SREK1IP1: variants seen among roughly 807,000 people sequenced by gnomAD.
SREK1IP1 encodes the protein protein SREK1IP1.
SREK1IP1 carries 12 observed loss-of-function variants against 22.8 expected under a neutral mutation model. The ratio of observed to expected loss-of-function variants is 0.53; its 90% CI spans 0.34 to 0.85. The LOEUF is 0.85. Among genes scored for constraint, SREK1IP1 ranks in the 40% least tolerant of loss-of-function variants. The probability of loss-of-function intolerance (pLI) is 0.02; values close to 1 mark genes in which losing one functional copy is unlikely to be tolerated. For missense variants in SREK1IP1, 147 were observed against 171.8 expected, an observed-to-expected ratio of 0.86 and a Z score of 0.81; for synonymous variants, 53 against 52.7, an observed-to-expected ratio of 1.01 and a Z score of -0.02.
intron 2 of SREK1IP1, among the ~76,000 whole-genome samples, chr5:64,752,133 A>AT (rs1224410806): frequency 8.4e-6 from 1 of 118,900 alleles, no homozygotes; most frequent in African/African-American, 3.2e-5. Context: ...TTTTCTGTGA[A>AT]TTTTTTTTGT....
chr5:64,735,175 T>C (rs1323541533), intron 3 of SREK1IP1, among the ~76,000 whole-genome samples: 3 of 151,876 alleles, frequency 2.0e-5, no homozygotes, highest in African/African-American at 4.8e-5. Context: ...TTTTTTTTAG[T>C]CTCTTAAATA....
At chr5:64,767,339 T>A (rs1325365276) in intron 1 of SREK1IP1, among the ~76,000 whole-genome samples, 1 of 152,094 alleles carries the variant, frequency 6.6e-6, no homozygotes, top group Non-Finnish European at 1.5e-5. Context: ...TGTAAATTTC[T>A]CTCTCTTCAC....
chr5:64,724,396 G>A lies in SREK1IP1; in HGVS notation c.456C>T (p.Phe152=), dbSNP rs979759549. The A allele has an allele frequency of 3.2e-6, 5 of 1,541,114 alleles. No homozygotes were observed. Among genetic ancestry groups the A allele is most frequent in the Admixed American group, 2.2e-5 (1 of 44,496 alleles). The change falls in exon 5 of 5, where the codon TTC becomes TTT. Residue 152 remains phenylalanine (F), a synonymous_variant. Transcript: ENST00000513458. ...GCCAAAGTCTCAGTTACTTTCTGGA[G>A]AATTCAGAACTATTAGGTGTAGAAG... is the stretch of plus-strand genomic sequence containing the variant. The part of the protein sequence containing the change: ...KHSSTPNSSE[F]SRK
At chr5:64,728,310 TC>T in intron 3 of SREK1IP1, 131 bp from the exon 4 acceptor site, 1 of 909,802 alleles carries the variant, frequency 1.1e-6, no homozygotes, top group Non-Finnish European at 1.4e-6. Flanking sequence ...GTAATAATTT[TC>T]CCCTTTCTTA....
chr5:64,729,008 T>A (rs1217086259), intron 3 of SREK1IP1, among the ~76,000 whole-genome samples: 1 of 152,056 alleles, frequency 6.6e-6, no homozygotes, highest in Admixed American at 6.5e-5. Context: ...CTGGACAACA[T>A]GGTGAAACCC....
chr5:64,761,073 G>T (rs1742945494), intron 1 of SREK1IP1, among the ~76,000 whole-genome samples: 1 of 152,120 alleles, frequency 6.6e-6, no homozygotes, highest in Admixed American at 6.6e-5. Flanking sequence ...CTTCAGAGAG[G>T]TTACATTGCA....
chr5:64,754,933 C>G (rs1034621478), intron 1 of SREK1IP1, among the ~76,000 whole-genome samples: 2 of 151,798 alleles, frequency 1.3e-5, no homozygotes, highest in Non-Finnish European at 2.9e-5. Context: ...ATAAGACAAA[C>G]ACATATGGCT....
At chr5:64,752,738 CCTTT>C (rs1742771879) in intron 2 of SREK1IP1, among the ~76,000 whole-genome samples, 1 of 152,134 alleles carries the variant, frequency 6.6e-6, no homozygotes, top group Non-Finnish European at 1.5e-5. Context: ...ATCTTCTTGA[CCTTT>C]CTCTTACCTT....
At chr5:64,742,837 T>C (rs1434182742) in intron 2 of SREK1IP1, among the ~76,000 whole-genome samples, 1 of 152,242 alleles carries the variant, frequency 6.6e-6, no homozygotes, top group East Asian at 1.9e-4. Context: ...ATCTAAAATA[T>C]GTATTGCACA....
At chr5:64,763,802 CTGGGCCACACTGTTT>C (rs1291325551) in intron 1 of SREK1IP1, among the ~76,000 whole-genome samples, 2 of 152,178 alleles carry the variant, frequency 1.3e-5, no homozygotes, top group Non-Finnish European at 2.9e-5. Context: ...TCTGGCTTTG[CTGGGCCACACTGTTT>C]TGGGCCACAC....
At chr5:64,734,855 C>CA (rs1320909090) in intron 3 of SREK1IP1, among the ~76,000 whole-genome samples, 7 of 151,734 alleles carry the variant, frequency 4.6e-5, no homozygotes, top group Non-Finnish European at 8.8e-5. Flanking sequence ...ATTTCATCTG[C>CA]AAAAAAAGAC....
At chr5:64,738,042 G>T (rs1376242393) in intron 3 of SREK1IP1, among the ~76,000 whole-genome samples, 1 of 152,116 alleles carries the variant, frequency 6.6e-6, no homozygotes, top group East Asian at 1.9e-4. Flanking sequence ...TAAAGAACTG[G>T]AGAGAAGAGA....
intron 3 of SREK1IP1, among the ~76,000 whole-genome samples, chr5:64,734,372 A>G (rs1243511074): frequency 2.6e-5 from 4 of 151,920 alleles, no homozygotes; most frequent in Non-Finnish European, 5.9e-5. Flanking sequence ...TAGGTTCTTT[A>G]CATTTCCACA....
At position 64,767,384 on chromosome 5, in the gene SREK1IP1, T is replaced by C. The variant is rs574771357; in HGVS notation, c.13+1121A>G. ...CTAAGTTCTGTGTGAAGCGTAACCA[T>C]GTCTACCTTGCTCACCACTGTATTT... On this transcript the variant is annotated intron_variant, in intron 1 of 4. Transcript: ENST00000513458. 6.6e-5 allele frequency among the ~76,000 whole-genome samples: 10 copies of C among 152,330 alleles called. No homozygotes were observed. In the South Asian group the frequency reaches 2.1e-3, roughly 32 times the overall value.
intron 3 of SREK1IP1, among the ~76,000 whole-genome samples, chr5:64,735,717 T>C (rs1462142827): frequency 6.6e-6 from 1 of 152,168 alleles, no homozygotes; most frequent in African/African-American, 2.4e-5. Context: ...GATTCTCTCA[T>C]TTCTGATATC....
chr5:64,746,371 G>A (rs574920952), intron 2 of SREK1IP1, among the ~76,000 whole-genome samples: 11 of 152,218 alleles, frequency 7.2e-5, no homozygotes, highest in South Asian at 2.1e-4. Flanking sequence ...TAAAATGGTC[G>A]TCAGAATTAA....
rs79876487 is a variant in SREK1IP1 at position 64,718,870 on chromosome 5, A to G, written c.*5514T>C. ...TGTCCTGTAGTTTTTGTAGTCAGAA[A>G]CTAGCATTTCAGACAAGATCTGGCA... On this transcript the variant is annotated 3_prime_UTR_variant, in exon 5 of 5. Transcript: ENST00000513458. 1 of 152,322 alleles carries G rather than the reference A, an allele frequency of 6.6e-6. No individual in the cohort carries two copies. The highest frequency in any genetic ancestry group is 1.9e-4 in the East Asian group (1 of 5,178). 9.4% of individuals were successfully genotyped at this position (152,322 alleles called of 1,614,324 possible). A position where few individuals can be genotyped will look rare whatever the true frequency, so the allele number is the denominator to read the frequency against.
At chr5:64,752,148 T>C (rs1178978045) in intron 2 of SREK1IP1, among the ~76,000 whole-genome samples, 1 of 133,136 alleles carries the variant, frequency 7.5e-6, no homozygotes, top group Non-Finnish European at 1.6e-5. Context: ...TTTTGTGTGT[T>C]TTTTTTTTTT....
intron 2 of SREK1IP1, among the ~76,000 whole-genome samples, chr5:64,752,159 T>G (rs1485218220): frequency 1.4e-5 from 2 of 141,850 alleles, no homozygotes; most frequent in Non-Finnish European, 1.5e-5. Flanking sequence ...TTTTTTTTTT[T>G]TTTTTTTTTT....
Sources: allele counts gnomAD v4.1 joint callset (sites outside exome capture counted in the v4.1 genomes callset), GRCh38; gene constraint gnomAD v4.1.1; transcripts MANE v1.5; gene names NCBI Gene and HGNC (gene_info 2026-07-23, HGNC 2026-07-21).